PDE8A: variants seen among roughly 807,000 people sequenced by gnomAD.
The protein encoded by PDE8A is high affinity cAMP-specific and IBMX-insensitive 3',5'-cyclic phosphodiesterase 8A.
A neutral mutation model predicts 105.0 loss-of-function variants in PDE8A; 59 were observed. That is an observed-to-expected ratio of 0.56 (90% CI 0.46 to 0.70). The LOEUF (loss-of-function observed/expected upper bound fraction) is 0.70. Among genes scored for constraint, PDE8A ranks in the 30% least tolerant of loss-of-function variants. The pLI is 0.00. For missense variants in PDE8A, 1,014 were observed against 1,045.9 expected (o/e 0.97, Z 0.42); for synonymous variants, 355 against 371.9 (o/e 0.95, Z 0.52).
chr15:85,096,713 C>T (rs1466415971), intron 8 of PDE8A, among the ~76,000 whole-genome samples: 1 of 152,132 alleles, frequency 6.6e-6, no homozygotes, highest in Non-Finnish European at 1.5e-5. Flanking sequence ...CTGAGCTCCC[C>T]CTCAGAACTG....
chr15:85,134,543 A>G, intron 20 of PDE8A, among the ~76,000 whole-genome samples: 1 of 42,986 alleles, frequency 2.3e-5, no homozygotes, highest in East Asian at 2.1e-3. Context: ...AGCGTTCCCC[A>G]CTCCTCTTAC....
intron 1 of PDE8A, among the ~76,000 whole-genome samples, chr15:84,994,697 T>C (rs2079946836): frequency 6.6e-6 from 1 of 152,220 alleles, no homozygotes. Context: ...ACGGGAGCGG[T>C]GGCTCACGCC....
intron 17 of PDE8A, among the ~76,000 whole-genome samples, chr15:85,118,554 T>C (rs552704605): frequency 1.3e-5 from 2 of 152,310 alleles, no homozygotes; most frequent in Admixed American, 6.5e-5. Context: ...ATACCTGATA[T>C]TGTCATTCCC....
At chr15:85,056,841 C>T (rs886763821) in intron 1 of PDE8A, among the ~76,000 whole-genome samples, 1 of 152,238 alleles carries the variant, frequency 6.6e-6, no homozygotes, top group Non-Finnish European at 1.5e-5. Flanking sequence ...CTCCGTCCAG[C>T]TTTGTTCCAT....
At chr15:85,038,632 G>A (rs1002639199) in intron 1 of PDE8A, among the ~76,000 whole-genome samples, 6 of 151,950 alleles carry the variant, frequency 3.9e-5, no homozygotes, top group African/African-American at 1.5e-4. Flanking sequence ...TATAAGAACC[G>A]CAAACTACTA....
chr15:85,128,850 T>C (rs944070537), intron 20 of PDE8A, among the ~76,000 whole-genome samples: 2 of 152,108 alleles, frequency 1.3e-5, no homozygotes, highest in African/African-American at 4.8e-5. Context: ...ACACACCCAA[T>C]GGGATGGCTA....
At chr15:85,057,761 T>A (rs959243932) in intron 1 of PDE8A, among the ~76,000 whole-genome samples, 3 of 152,236 alleles carry the variant, frequency 2.0e-5, no homozygotes, top group African/African-American at 7.2e-5. Flanking sequence ...TATTGAATTT[T>A]GTTAAATGCC....
intron 1 of PDE8A, among the ~76,000 whole-genome samples, chr15:85,018,317 G>A (rs563169341): frequency 2.6e-5 from 4 of 152,310 alleles, no homozygotes; most frequent in South Asian, 2.1e-4. Flanking sequence ...CCAGATGTAA[G>A]TCACCACACT....
At position 85,091,142 on chromosome 15, in the gene PDE8A, C is replaced by G; in HGVS notation, c.813C>G (p.Asp271Glu). ...GEVPINEKKADLLDTINSCIR... is the reference protein window; with the variant it reads ...GEVPINEKKAELLDTINSCIR... Reference sequence around the variant, plus strand: ...TGCCTATAAATGAAAAAAAGGCTGACTTGCTCGATACTATAAATTCATGCA... The same window carrying G: ...TGCCTATAAATGAAAAAAAGGCTGAGTTGCTCGATACTATAAATTCATGCA... The change falls in exon 8 of 22, where the codon GAC (aspartate) becomes GAG (glutamate). Residue 271 changes from aspartate (D) to glutamate (E), a missense_variant. Coordinates refer to ENST00000394553, the MANE Select transcript of PDE8A (RefSeq NM_002605.3). 6.2e-7 allele frequency: 1 copy of G among 1,613,260 alleles called. No individual in the cohort carries two copies. Among genetic ancestry groups the G allele is most frequent in the Non-Finnish European group, 8.5e-7 (1 of 1,179,668 alleles).
At chr15:84,982,817 C>T (rs2079739853) in intron 1 of PDE8A, among the ~76,000 whole-genome samples, 1 of 152,246 alleles carries the variant, frequency 6.6e-6, no homozygotes, top group South Asian at 2.1e-4. Flanking sequence ...CAGCTTTGCA[C>T]ATGCAGTTGC....
At chr15:85,096,273 A>G (rs2081750838) in intron 8 of PDE8A, among the ~76,000 whole-genome samples, 2 of 151,954 alleles carry the variant, frequency 1.3e-5, no homozygotes, top group Non-Finnish European at 2.9e-5. Context: ...TGTAATTTCT[A>G]TGCCATACAA....
chr15:85,081,274 T>C (rs867750815), intron 5 of PDE8A, among the ~76,000 whole-genome samples: 1 of 152,212 alleles, frequency 6.6e-6, no homozygotes, highest in African/African-American at 2.4e-5. Context: ...GCTAGCTTCC[T>C]CAATTGGATT....
Position 85,115,980 on chromosome 15 carries a change from A to G in PDE8A, c.1400-4A>G. On this transcript the variant is annotated splice_region_variant and splice_polypyrimidine_tract_variant and intron_variant, in intron 15 of 21. Coordinates refer to ENST00000394553, the MANE Select transcript of PDE8A (RefSeq NM_002605.3). ...TTTGTTCTCCAAATTACATCACTTTACAGACACTCAAATGGTTTCAAGCAA... is the reference window on the plus strand; with the variant it reads ...TTTGTTCTCCAAATTACATCACTTTGCAGACACTCAAATGGTTTCAAGCAA... 1 of 1,611,614 alleles carries G rather than the reference A, an allele frequency of 6.2e-7. No homozygotes were observed. The highest frequency in any genetic ancestry group is 1.1e-5 in the South Asian group (1 of 90,978).
At chr15:85,047,398 G>C (rs192606878) in intron 1 of PDE8A, among the ~76,000 whole-genome samples, 250 of 152,238 alleles carry the variant, frequency 1.6e-3, no homozygotes, top group African/African-American at 4.9e-3. Flanking sequence ...GGTTATTTTG[G>C]GGGGAGCAGT....
At chr15:85,000,047 TG>T (rs1438130839) in intron 1 of PDE8A, among the ~76,000 whole-genome samples, 1 of 152,242 alleles carries the variant, frequency 6.6e-6, no homozygotes, top group East Asian at 1.9e-4. Flanking sequence ...GTTCAAATTC[TG>T]GGCTTTCTCT....
chr15:85,066,586 AC>A (rs2081230129), intron 2 of PDE8A, among the ~76,000 whole-genome samples: 1 of 11,236 alleles, frequency 8.9e-5, no homozygotes, highest in Admixed American at 5.1e-4. Flanking sequence ...CCCCCAAAAC[AC>A]ACACACACAC....
At chr15:85,061,204 G>T (rs1047048636) in intron 1 of PDE8A, among the ~76,000 whole-genome samples, 1 of 151,512 alleles carries the variant, frequency 6.6e-6, no homozygotes, top group African/African-American at 2.4e-5. Context: ...CTTCTTTCTT[G>T]CTGCTTTCTT....
chr15:85,049,926 C>G (rs1350762628), intron 1 of PDE8A, among the ~76,000 whole-genome samples: 1 of 152,162 alleles, frequency 6.6e-6, no homozygotes, highest in Admixed American at 6.5e-5. Flanking sequence ...TCTGCAGCAG[C>G]TATACCATTT....
chr15:85,084,665 C>G (rs2081520939), intron 6 of PDE8A, among the ~76,000 whole-genome samples: 1 of 152,118 alleles, frequency 6.6e-6, no homozygotes, highest in Non-Finnish European at 1.5e-5. Context: ...AAACTGAGAC[C>G]CAAGGAAGTT....
Sources: allele counts gnomAD v4.1 joint callset (sites outside exome capture counted in the v4.1 genomes callset), GRCh38; gene constraint gnomAD v4.1.1; transcripts MANE v1.5; gene names NCBI Gene and HGNC (gene_info 2026-07-23, HGNC 2026-07-21).